Variants in HMGCLL1 observed in about 807,000 individuals in gnomAD.
HMGCLL1 encodes the protein 3-hydroxymethyl-3-methylglutaryl-CoA lyase, cytoplasmic.
In HMGCLL1, 36 loss-of-function variants were observed where a neutral mutation model predicts 39.1. The ratio of observed to expected loss-of-function variants is 0.92; its 90% CI spans 0.71 to 1.22. HMGCLL1 has a LOEUF of 1.22. HMGCLL1 is among the 50% of genes most tolerant of loss of function. The probability of loss-of-function intolerance (pLI) is 0.00; values close to 1 mark genes in which losing one functional copy is unlikely to be tolerated. For missense variants in HMGCLL1, 451 were observed against 416.5 expected, an observed-to-expected ratio of 1.08 and a Z score of -0.72; for synonymous variants, 149 against 144.0, an observed-to-expected ratio of 1.03 and a Z score of -0.25.
At chr6:55,529,727 A>AT (rs1026266052) in intron 3 of HMGCLL1, among the ~76,000 whole-genome samples, 33 of 152,098 alleles carry the variant, frequency 2.2e-4, no homozygotes, top group African/African-American at 7.5e-4. Flanking sequence ...TATGAGTTTG[A>AT]TTTTTTTATT....
intron 3 of HMGCLL1, among the ~76,000 whole-genome samples, chr6:55,537,640 C>T (rs554816443): frequency 2.0e-5 from 3 of 152,092 alleles, no homozygotes; most frequent in Non-Finnish European, 4.4e-5. Context: ...CACTCAGGGA[C>T]CATTCACGTG....
chr6:55,592,174 C>A, the HMGCLL1 span, among the ~76,000 whole-genome samples: 63,491 of 151,672 alleles, frequency 0.42, 14,021 homozygotes, highest in East Asian at 0.6. Context: ...AGATTCTCCT[C>A]TTCCCACTTA....
At chr6:55,567,339 G>A (rs1034576119) in intron 1 of HMGCLL1, among the ~76,000 whole-genome samples, 2 of 152,008 alleles carry the variant, frequency 1.3e-5, no homozygotes, top group Non-Finnish European at 2.9e-5. Flanking sequence ...TTTGTAAAGT[G>A]ATAGATTAGA....
intron 7 of HMGCLL1, among the ~76,000 whole-genome samples, chr6:55,479,493 G>A (rs1765619114): frequency 6.6e-6 from 1 of 151,448 alleles, no homozygotes; most frequent in Non-Finnish European, 1.5e-5. Context: ...CACTTTCACA[G>A]AGCAATTACT....
chr6:55,459,857 A>C (rs778165070), intron 7 of HMGCLL1, among the ~76,000 whole-genome samples: 5 of 152,014 alleles, frequency 3.3e-5, no homozygotes, highest in Non-Finnish European at 5.9e-5. Context: ...ATATATAGAT[A>C]TATATCTGTA....
At chr6:55,609,775 C>T in the HMGCLL1 span, among the ~76,000 whole-genome samples, 1 of 152,096 alleles carries the variant, frequency 6.6e-6, no homozygotes, top group Non-Finnish European at 1.5e-5. Flanking sequence ...AGCATTCCTA[C>T]TGGCATCATG....
the HMGCLL1 span, among the ~76,000 whole-genome samples, chr6:55,631,496 T>G: frequency 6.6e-6 from 1 of 152,062 alleles, no homozygotes; most frequent in Non-Finnish European, 1.5e-5. Context: ...GTCAGGACGC[T>G]GAGACAGGCT....
chr6:55,502,972 C>T (rs921380046), intron 5 of HMGCLL1, among the ~76,000 whole-genome samples: 2 of 22,056 alleles, frequency 9.1e-5, no homozygotes, highest in African/African-American at 2.3e-4. Context: ...ACCTTCTGTT[C>T]TGCTAAAGTT....
the HMGCLL1 span, among the ~76,000 whole-genome samples, chr6:55,677,290 G>A: frequency 6.6e-6 from 1 of 152,154 alleles, no homozygotes; most frequent in African/African-American, 2.4e-5. Context: ...TCGGGAAGCT[G>A]AGGTGGGAAG....
intron 1 of HMGCLL1, among the ~76,000 whole-genome samples, chr6:55,572,196 G>A (rs1026038129): frequency 1.8e-4 from 28 of 151,924 alleles, no homozygotes; most frequent in Non-Finnish European, 3.8e-4. Context: ...AAGAGAAAGA[G>A]AATGTACCCA....
intron 7 of HMGCLL1, among the ~76,000 whole-genome samples, chr6:55,466,280 G>A (rs1273216307): frequency 6.6e-6 from 1 of 151,796 alleles, no homozygotes; most frequent in African/African-American, 2.4e-5. Context: ...GAACCTGAGA[G>A]CAGTAGTAAC....
the HMGCLL1 span, among the ~76,000 whole-genome samples, chr6:55,668,665 C>A: frequency 6.6e-6 from 1 of 151,808 alleles, no homozygotes; most frequent in African/African-American, 2.4e-5. Flanking sequence ...GAACTCAAGG[C>A]AGCCAAAAAC....
chr6:55,598,813 C>A, the HMGCLL1 span, among the ~76,000 whole-genome samples: 1 of 152,282 alleles, frequency 6.6e-6, no homozygotes, highest in East Asian at 1.9e-4. Context: ...CAAATGAACT[C>A]TTTCCAATTC....
At chr6:55,517,761 A>C (rs1411890787) in intron 3 of HMGCLL1, among the ~76,000 whole-genome samples, 1 of 152,138 alleles carries the variant, frequency 6.6e-6, no homozygotes, top group Non-Finnish European at 1.5e-5. Context: ...CAGCAGAGTT[A>C]AATTTAATGC....
intron 1 of HMGCLL1, among the ~76,000 whole-genome samples, chr6:55,559,899 A>G (rs943519846): frequency 6.6e-6 from 1 of 152,188 alleles, no homozygotes; most frequent in Non-Finnish European, 1.5e-5. Flanking sequence ...AAAAGCATAT[A>G]TTCAGAGTTA....
intron 7 of HMGCLL1, among the ~76,000 whole-genome samples, chr6:55,479,025 G>A (rs766147670): frequency 2.0e-5 from 3 of 151,466 alleles, no homozygotes; most frequent in Non-Finnish European, 4.4e-5. Flanking sequence ...ATCTGCCAGT[G>A]AATTGAACTA....
chr6:55,443,677 CA>C (rs10715144), intron 7 of HMGCLL1, among the ~76,000 whole-genome samples: 70,568 of 145,880 alleles, frequency 0.48, 16,670 homozygotes, highest in African/African-American at 0.58. Context: ...CCAGTGAAGC[CA>C]AAAAAAAAAA....
chr6:55,671,336 A>G, the HMGCLL1 span, among the ~76,000 whole-genome samples: 13 of 151,840 alleles, frequency 8.6e-5, no homozygotes, highest in Admixed American at 2.6e-4. Flanking sequence ...TTGGGACCCA[A>G]TAGAATCCAC....
At chr6:55,606,571 T>A in the HMGCLL1 span, among the ~76,000 whole-genome samples, 4 of 152,144 alleles carry the variant, frequency 2.6e-5, no homozygotes, top group African/African-American at 4.8e-5. Flanking sequence ...TTTTTAAAAA[T>A]TTATAAAAAT....
Sources: allele counts gnomAD v4.1 joint callset (sites outside exome capture counted in the v4.1 genomes callset), GRCh38; gene constraint gnomAD v4.1.1; transcripts MANE v1.5; gene names NCBI Gene and HGNC (gene_info 2026-07-23, HGNC 2026-07-21).